ZGRF1: variants seen among roughly 807,000 people sequenced by gnomAD.
ZGRF1 encodes the protein zinc finger GRF-type containing 1, also known as 5'-3' DNA helicase ZGRF1.
In ZGRF1, 196 loss-of-function variants were observed where a neutral mutation model predicts 203.5. That is an observed-to-expected ratio of 0.96 (90% CI 0.86 to 1.08). ZGRF1 has a LOEUF of 1.08. Among genes scored for constraint, ZGRF1 ranks in the 50% least tolerant of loss-of-function variants. The pLI is 0.00. For synonymous variants in ZGRF1, 809 were observed against 841.3 expected (o/e 0.96, Z 0.66); for missense variants, 2,326 against 2,416.3 (o/e 0.96, Z 0.78).
At chr4:112,585,802 G>T in intron 13 of ZGRF1, 77 bp from the exon 14 acceptor site, 2 of 1,059,342 alleles carry the variant, frequency 1.9e-6, no homozygotes, top group East Asian at 2.8e-5. Flanking sequence ...GCTGTTTGTA[G>T]CTAAATTTGA....
chr4:112,566,373 G>A (rs1320933852), intron 16 of ZGRF1, among the ~76,000 whole-genome samples: 15 of 149,462 alleles, frequency 1.0e-4, no homozygotes, highest in Admixed American at 1.3e-4. Context: ...ATAGCTTTAG[G>A]AGATATACCT....
At chr4:112,559,786 A>AT (rs1173427964) in intron 19 of ZGRF1, among the ~76,000 whole-genome samples, 1 of 152,292 alleles carries the variant, frequency 6.6e-6, no homozygotes, top group Admixed American at 6.5e-5. Context: ...CAGCTAACAA[A>AT]TGATACAGTC....
Position 112,586,548 on chromosome 4 carries a change from C to G in ZGRF1, c.3813G>C (p.Gly1271=). 6.2e-7 allele frequency: 1 copy of G among 1,612,672 alleles called. No homozygotes were observed. Among genetic ancestry groups the G allele is most frequent in the African/African-American group, 1.3e-5 (1 of 74,942 alleles). ...ISGSELCFPS[G]QKIKSAYLPQ... is the part of the protein sequence containing the mutation. ...GAAGATAAGCAGATTTTATTTTCTG[C>G]CCACTTGGAAAGCACAGCTCAGAGC... The change falls in exon 13 of 28, where the codon GGG becomes GGC. Residue 1271 remains glycine, a synonymous_variant. Coordinates refer to ENST00000505019, the MANE Select transcript of ZGRF1 (RefSeq NM_018392.5).
intron 12 of ZGRF1, 46 bp downstream of exon 12, chr4:112,587,234 A>C (rs1446789439): frequency 6.6e-7 from 1 of 1,522,096 alleles, no homozygotes; most frequent in Non-Finnish European, 8.8e-7. Context: ...AAATTCAGAC[A>C]ATAACTATTG....
At chr4:112,603,403 G>C (rs1380822405) in intron 10 of ZGRF1, 121 bp downstream of exon 10, 1 of 573,608 alleles carries the variant, frequency 1.7e-6, no homozygotes, top group Non-Finnish European at 2.9e-6. Flanking sequence ...TATGCTTCTT[G>C]TCAATTTACT....
chr4:112,571,553 A>T (rs1263329898), intron 16 of ZGRF1, among the ~76,000 whole-genome samples: 2 of 149,922 alleles, frequency 1.3e-5, no homozygotes, highest in Middle Eastern at 3.2e-3. Flanking sequence ...TTAAATCTTA[A>T]TTTTTTTTTT....
chr4:112,548,550 T>C (rs1329866623), intron 22 of ZGRF1, among the ~76,000 whole-genome samples, 170 bp from the exon 23 acceptor site: 2 of 151,862 alleles, frequency 1.3e-5, no homozygotes, highest in Admixed American at 1.3e-4. Context: ...TATTCCTACA[T>C]ACAAAATGGA....
intron 17 of ZGRF1, among the ~76,000 whole-genome samples, chr4:112,562,902 A>T (rs963139036): frequency 6.6e-5 from 10 of 152,230 alleles, no homozygotes; most frequent in Non-Finnish European, 1.3e-4. Flanking sequence ...TATGGAAAAC[A>T]GAAAATCAGA....
At chr4:112,553,776 T>TA (rs1740401398) in intron 22 of ZGRF1, 59 bp downstream of exon 22, 2 of 1,416,962 alleles carry the variant, frequency 1.4e-6, no homozygotes, top group Admixed American at 4.7e-5. Context: ...TCAACAGAAA[T>TA]AAGAGAATCT....
intron 4 of ZGRF1, among the ~76,000 whole-genome samples, chr4:112,622,620 C>T (rs920909227): frequency 2.0e-5 from 3 of 151,500 alleles, no homozygotes; most frequent in African/African-American, 7.3e-5. Context: ...TAAAATCTGT[C>T]TGTGATCTAC....
At chr4:112,626,230 G>A (rs773130054) in intron 3 of ZGRF1, among the ~76,000 whole-genome samples, 38 of 152,154 alleles carry the variant, frequency 2.5e-4, no homozygotes, top group Admixed American at 5.2e-4. Context: ...CGGGTGAATC[G>A]AAAAGTGTGT....
At position 112,577,086 on chromosome 4, in the gene ZGRF1, G is replaced by A. The variant is rs1219936389; in HGVS notation, c.4438+4577C>T. The stretch of plus-strand genomic sequence containing the variant: ...TAGACTAACAGCTGATCTCTCAGCA[G>A]AAACTGTACAAGCCAGAAGAAAGTG... On this transcript the variant is annotated intron_variant, in intron 16 of 27. Coordinates refer to ENST00000505019, the MANE Select transcript of ZGRF1 (RefSeq NM_018392.5). Among the ~76,000 whole-genome samples the A allele has an allele frequency of 4.7e-5, 3 of 64,054 alleles. 1 individual carries two copies. The highest frequency in any genetic ancestry group is 1.1e-4 in the Non-Finnish European group (3 of 26,346). 42.0% of individuals were successfully genotyped at this position (64,054 alleles called of 152,430 possible).
rs2149005728 is a variant in ZGRF1 at position 112,584,065 on chromosome 4, C to A, written c.4211G>T (p.Gly1404Val). ...ACTCTTAATATCACTTAAAACCATGCCAGGTCGAGCTCCTTCCTGTGTTGA... is the reference window on the plus strand; with the variant it reads ...ACTCTTAATATCACTTAAAACCATGACAGGTCGAGCTCCTTCCTGTGTTGA... ...GYSTQEGARP[G>V]MVLSDIKSIG... Residue 1404 changes from glycine to valine, a missense_variant, in exon 15 of 28, where the codon GGC becomes GTC. Coordinates refer to ENST00000505019, the MANE Select transcript of ZGRF1 (RefSeq NM_018392.5). The A allele has an allele frequency of 1.2e-6, 2 of 1,613,336 alleles. No homozygotes were observed. Among genetic ancestry groups the A allele is most frequent in the East Asian group, 4.5e-5 (2 of 44,838 alleles).
At chr4:112,590,350 CAT>C (rs1330109605) in intron 10 of ZGRF1, among the ~76,000 whole-genome samples, 7 of 152,290 alleles carry the variant, frequency 4.6e-5, no homozygotes, top group Admixed American at 4.6e-4. Context: ...CTATACAGTT[CAT>C]ATGTTATTCT....
rs1025112710 is a variant in ZGRF1 at position 112,587,267 on chromosome 4, T to C, written c.3777+13A>G. 6 of 1,587,046 alleles carry C rather than the reference T, an allele frequency of 3.8e-6. No homozygotes were observed. The Admixed American group carries it at 5.3e-5, about 14-fold the overall frequency. On this transcript the variant is annotated intron_variant, in intron 12 of 27. Transcript: ENST00000505019. The stretch of plus-strand genomic sequence containing the variant: ...TTGGAAAAATGCACCACAAGACCGG[T>C]ACATTTCCTCACCTGTAAATCCTTT...
At position 112,635,030 on chromosome 4, in the gene ZGRF1, T is replaced by G. The variant is rs2047537453; in HGVS notation, c.-66-1788A>C. ...CTGTAGTCCCAGCTACTCAGGAGGCTGAGGCAGGAGAATTGCTTGAACCCG... is the reference window on the plus strand; with the variant it reads ...CTGTAGTCCCAGCTACTCAGGAGGCGGAGGCAGGAGAATTGCTTGAACCCG... On this transcript the variant is annotated intron_variant, in intron 1 of 27. Transcript: ENST00000505019. 2.0e-5 allele frequency among the ~76,000 whole-genome samples: 3 copies of G among 149,598 alleles called. No individual in the cohort carries two copies. In the South Asian group the frequency reaches 6.3e-4, roughly 31 times the overall value.
At position 112,577,726 on chromosome 4, in the gene ZGRF1, T is replaced by G. The variant is rs562312690; in HGVS notation, c.4438+3937A>C. The stretch of plus-strand genomic sequence containing the variant: ...AAGGGATCAATTCAACAAGAAGAGC[T>G]AACTATCCTAAATGTATATGCACCC... On this transcript the variant is annotated intron_variant, in intron 16 of 27. Coordinates refer to ENST00000505019, the MANE Select transcript of ZGRF1 (RefSeq NM_018392.5). Among the ~76,000 whole-genome samples the G allele has an allele frequency of 1.6e-5, 2 of 123,102 alleles. 1 individual carries two copies. Among genetic ancestry groups the G allele is most frequent in the Middle Eastern group, 7.5e-3 (2 of 266 alleles). 80.8% of individuals were successfully genotyped at this position (123,102 alleles called of 152,430 possible).
At chr4:112,570,461 G>A (rs554291668) in intron 16 of ZGRF1, among the ~76,000 whole-genome samples, 1 of 152,098 alleles carries the variant, frequency 6.6e-6, no homozygotes, top group South Asian at 2.1e-4. Context: ...GGTGGTGGGT[G>A]CCTGTAATCC....
intron 2 of ZGRF1, 140 bp from the exon 3 acceptor site, chr4:112,632,150 T>C (rs1457900376): frequency 1.9e-5 from 7 of 376,142 alleles, no homozygotes; most frequent in Non-Finnish European, 3.3e-5. Context: ...ATCAATTTTT[T>C]AAATTTTAAA....
Sources: gnomAD v4.1 joint callset for allele counts (sites outside exome capture counted in the v4.1 genomes callset) on GRCh38, gnomAD v4.1.1 for gene constraint, MANE v1.5 for transcripts, NCBI Gene and HGNC (gene_info 2026-07-23, HGNC 2026-07-21) for gene names.